The following TEX26 variants were observed in gnomAD, a reference collection of about 807,000 sequenced individuals.
TEX26 encodes testis expressed 26, also known as testis-expressed protein 26.
Under a neutral mutation model 35.3 loss-of-function variants are expected in TEX26, and 34 were observed. The observed-to-expected ratio is 0.96, with a 90% CI of 0.73 to 1.28. TEX26 has a LOEUF of 1.28. Among genes scored for constraint, TEX26 ranks in the 50% most tolerant of loss-of-function variants. The pLI is 0.00. For synonymous variants in TEX26, 136 were observed against 111.8 expected (o/e 1.22, Z -1.36); for missense variants, 371 against 330.1 (o/e 1.12, Z -0.96).
At chr13:30,959,824 T>G (rs1274395749) in intron 4 of TEX26, among the ~76,000 whole-genome samples, 1 of 152,136 alleles carries the variant, frequency 6.6e-6, no homozygotes, top group African/African-American at 2.4e-5. Context: ...ATGCCTGACA[T>G]AACGAATGAC....
intron 1 of TEX26, among the ~76,000 whole-genome samples, chr13:30,936,096 T>C (rs908460210): frequency 9.2e-5 from 14 of 152,228 alleles, no homozygotes; most frequent in Admixed American, 7.2e-4. Context: ...CATGGAAATA[T>C]CTTTTTTGTA....
chr13:30,939,795 G>A lies in TEX26; in HGVS notation c.146+17G>A. 1.3e-6 allele frequency: 2 copies of A among 1,599,456 alleles called. No individual in the cohort carries two copies. Among genetic ancestry groups the A allele is most frequent in the South Asian group, 2.2e-5 (2 of 90,656 alleles). On this transcript the variant is annotated intron_variant, in intron 2 of 6. Coordinates refer to ENST00000380473, the MANE Select transcript of TEX26 (RefSeq NM_152325.3). ...CTTAATTCGGTAGATCATTATTTGTGTTGGATTGATATACATGTTTTAATT... is the reference window on the plus strand; with the variant it reads ...CTTAATTCGGTAGATCATTATTTGTATTGGATTGATATACATGTTTTAATT...
At chr13:30,963,117 C>T (rs529140764) in intron 4 of TEX26, among the ~76,000 whole-genome samples, 4 of 152,256 alleles carry the variant, frequency 2.6e-5, no homozygotes, top group East Asian at 3.9e-4. Flanking sequence ...CATGAGCCAC[C>T]GTGCTCAGCT....
intron 1 of TEX26, among the ~76,000 whole-genome samples, chr13:30,936,244 TA>T (rs1216123455): frequency 5.9e-5 from 9 of 152,256 alleles, no homozygotes; most frequent in African/African-American, 1.9e-4. Context: ...TACTTTATAA[TA>T]TTTTTTAAGC....
intron 2 of TEX26, among the ~76,000 whole-genome samples, chr13:30,949,732 G>A (rs1953850674): frequency 6.6e-6 from 1 of 151,892 alleles, no homozygotes; most frequent in Admixed American, 6.6e-5. Context: ...AAAGCATAAT[G>A]TTTCCTAAAT....
rs7324819 is a variant in TEX26 at position 30,959,262 on chromosome 13, C to A, written c.469+2233C>A. ...AAACAACAGTAGTTCCTTGACCTAC[C>A]CCGCCCCATCCCTACTCTTATTCCT... On this transcript the variant is annotated intron_variant, in intron 4 of 6. Transcript: ENST00000380473. Among the ~76,000 whole-genome samples the A allele has an allele frequency of 1.6e-3, 248 of 152,254 alleles. 1 individual carries two copies. Among genetic ancestry groups the A allele is most frequent in the Admixed American group, 0.01 (154 of 15,286 alleles).
At chr13:30,974,134 ATAT>A (rs2138366332) in intron 6 of TEX26, among the ~76,000 whole-genome samples, 3 of 92,112 alleles carry the variant, frequency 3.3e-5, no homozygotes, top group Non-Finnish European at 7.6e-5. Context: ...AAAAAAAAAT[ATAT>A]ATATATATAT....
intron 6 of TEX26, among the ~76,000 whole-genome samples, chr13:30,970,820 T>C (rs1158718666): frequency 1.3e-5 from 2 of 152,108 alleles, no homozygotes; most frequent in African/African-American, 2.4e-5. Context: ...TCTGGCAGCC[T>C]CAGATCTACA....
chr13:30,970,673 A>G (rs997642067), intron 6 of TEX26, among the ~76,000 whole-genome samples: 2 of 152,200 alleles, frequency 1.3e-5, no homozygotes, highest in African/African-American at 4.8e-5. Context: ...AGGGACTTGC[A>G]ATGCAGATTC....
intron 6 of TEX26, among the ~76,000 whole-genome samples, chr13:30,973,746 A>G (rs560035975): frequency 2.4e-4 from 37 of 152,308 alleles, no homozygotes; most frequent in African/African-American, 8.2e-4. Flanking sequence ...AACATTGAAT[A>G]TGAGCATGAC....
chr13:30,942,133 G>A (rs1953537586), intron 2 of TEX26, among the ~76,000 whole-genome samples: 1 of 152,136 alleles, frequency 6.6e-6, no homozygotes, highest in Non-Finnish European at 1.5e-5. Context: ...CACCATCAGG[G>A]TATAAGTGTT....
intron 5 of TEX26, among the ~76,000 whole-genome samples, chr13:30,967,569 A>C (rs983730070): frequency 6.6e-6 from 1 of 152,112 alleles, no homozygotes; most frequent in African/African-American, 2.4e-5. Flanking sequence ...TTTCCAGTTA[A>C]AGCATTTCCA....
At position 30,956,820 on chromosome 13, in the gene TEX26, C is replaced by T. The variant is rs1408368026; in HGVS notation, c.313-53C>T. On this transcript the variant is annotated intron_variant, in intron 3 of 6. Transcript: ENST00000380473. ...GCACACAGACACTCAGATTATTGATCCTATTGGGTGAACCCATATGGATTT... is the reference window on the plus strand; with the variant it reads ...GCACACAGACACTCAGATTATTGATTCTATTGGGTGAACCCATATGGATTT... The T allele has an allele frequency of 5.4e-6, 8 of 1,493,472 alleles. No homozygotes were observed. The African/African-American group carries it at 9.7e-5, about 18-fold the overall frequency. The allele number at this position is 1,493,472 out of a possible 1,614,324, so 92.5% of individuals were successfully genotyped here. A position where few individuals can be genotyped will look rare whatever the true frequency, so the allele number is the denominator to read the frequency against.
intron 4 of TEX26, among the ~76,000 whole-genome samples, chr13:30,960,194 C>G (rs1054020972): frequency 1.3e-5 from 2 of 152,170 alleles, no homozygotes; most frequent in African/African-American, 4.8e-5. Context: ...TAGCTTCTTT[C>G]TCTTTGTATT....
At chr13:30,936,160 C>T (rs1953265857) in intron 1 of TEX26, among the ~76,000 whole-genome samples, 1 of 152,072 alleles carries the variant, frequency 6.6e-6, no homozygotes, top group Admixed American at 6.5e-5. Context: ...ACCTTGAATC[C>T]TCAAAACAAA....
At position 30,957,123 on chromosome 13, in the gene TEX26, G is replaced by T. The variant is rs181380397; in HGVS notation, c.469+94G>T. The T allele has an allele frequency of 3.4e-5, 44 of 1,292,720 alleles. No individual in the cohort carries two copies. The African/African-American group carries it at 5.8e-4, about 17-fold the overall frequency. The allele number at this position is 1,292,720 out of a possible 1,614,324, so 80.1% of individuals were successfully genotyped here. ...CATGCGTGTGTTCTTCTCCTTCAAG[G>T]AACTTGAAGTCTAGGCATGGAGACA... On this transcript the variant is annotated intron_variant, in intron 4 of 6. Coordinates refer to ENST00000380473, the MANE Select transcript of TEX26 (RefSeq NM_152325.3).
intron 4 of TEX26, among the ~76,000 whole-genome samples, chr13:30,959,847 C>T (rs1320330928): frequency 6.6e-6 from 1 of 152,102 alleles, no homozygotes; most frequent in African/African-American, 2.4e-5. Context: ...AAGACTGTCA[C>T]TAATGCATGT....
At chr13:30,957,946 A>G (rs1409685872) in intron 4 of TEX26, among the ~76,000 whole-genome samples, 1 of 152,180 alleles carries the variant, frequency 6.6e-6, no homozygotes, top group Non-Finnish European at 1.5e-5. Flanking sequence ...TTCTGTAGGT[A>G]AGTAGGAAAC....
intron 2 of TEX26, among the ~76,000 whole-genome samples, chr13:30,949,499 A>G (rs1326541303): frequency 6.6e-6 from 1 of 152,110 alleles, no homozygotes; most frequent in Non-Finnish European, 1.5e-5. Context: ...ATATTTTGAG[A>G]ATATTATAAA....
Sources: gnomAD v4.1 joint callset for allele counts (sites outside exome capture counted in the v4.1 genomes callset) on GRCh38, gnomAD v4.1.1 for gene constraint, MANE v1.5 for transcripts, NCBI Gene and HGNC (gene_info 2026-07-23, HGNC 2026-07-21) for gene names.